The following SPEG variants were observed in gnomAD, a reference collection of about 807,000 sequenced individuals.
SPEG encodes striated muscle preferentially expressed protein kinase.
SPEG carries 114 observed loss-of-function variants against 300.4 expected under a neutral mutation model. The ratio of observed to expected loss-of-function variants is 0.38; its 90% confidence interval spans 0.33 to 0.44. The LOEUF (loss-of-function observed/expected upper bound fraction) is 0.44, where lower values mean the gene tolerates loss of function less well. Ranked by LOEUF, SPEG falls within the 20% of genes least tolerant of loss-of-function variation. The probability of loss-of-function intolerance (pLI) is 1.00; values close to 1 mark genes in which losing one functional copy is unlikely to be tolerated. For missense variants in SPEG, 4,201 were observed against 4,586.2 expected, an observed-to-expected ratio of 0.92 and a Z score of 2.43; for synonymous variants, 1,964 against 2,018.9, an observed-to-expected ratio of 0.97 and a Z score of 0.73.
In SPEG at chr2:219,448,082, G is replaced by C; in HGVS notation, c.924G>C (p.Leu308=). ...AGCCGCCTCCTTCCAAATCCGCGCT[G>C]CTCCCCCCACCGTCCCCTCGGGTCG... is the stretch of plus-strand genomic sequence containing the variant. ...PAQPPPSKSA[L]LPPPSPRVGK... Residue 308 remains leucine (L), a synonymous_variant, in exon 4 of 41, where the codon CTG becomes CTC. Transcript: ENST00000312358. The C allele has an allele frequency of 6.2e-7, 1 of 1,607,654 alleles. No individual in the cohort carries two copies. Among genetic ancestry groups the C allele is most frequent in the Non-Finnish European group, 8.5e-7 (1 of 1,177,690 alleles).
chr2:219,444,621 G>C lies in SPEG; in HGVS notation c.389-32G>C, dbSNP rs760083111. 28 of 1,585,484 alleles carry C rather than the reference G, an allele frequency of 1.8e-5. No homozygotes were observed. The highest frequency in any genetic ancestry group is 2.2e-5 in the South Asian group (2 of 90,468). ...GAAGAGTTGGAGGCAGAGGGAGGAG[G>C]GCCCTGCCCACACAGACCCCTTCTT... On this transcript the variant is annotated intron_variant, in intron 1 of 40. Coordinates refer to ENST00000312358, the MANE Select transcript of SPEG (RefSeq NM_005876.5). This position sits in a 1 kb window ranked among gnomAD's most constrained non-coding sequence, Gnocchi z 7.8.
Position 219,445,652 on chromosome 2 carries a change from G to A in SPEG, c.815+491G>A, listed in dbSNP as rs1208843865. 1 of 169,128 alleles carries A rather than the reference G, an allele frequency of 5.9e-6. No homozygotes were observed. Among genetic ancestry groups the A allele is most frequent in the Admixed American group, 5.5e-5 (1 of 18,292 alleles). The allele number at this position is 169,128 out of a possible 1,614,324, so 10.5% of individuals were successfully genotyped here. ...CCCGGGAGAGCAGGAGAGAGCAGGG[G>A]AACAAGCCAGCAAGCAGGAGAGAGA... On this transcript the variant is annotated intron_variant, in intron 3 of 40. Coordinates refer to ENST00000312358, the MANE Select transcript of SPEG (RefSeq NM_005876.5). The surrounding 1 kb of genome is among the most constrained non-coding windows in gnomAD (Gnocchi z 6.1).
At chr2:219,465,908 C>T (rs1406436870) in intron 9 of SPEG, 6 of 683,234 alleles carry the variant, frequency 8.8e-6, no homozygotes, top group South Asian at 5.3e-5. Context: ...TGGGTGTGTG[C>T]ATGCGTGTGT....
At chr2:219,485,212 G>C in intron 30 of SPEG, 134 bp from the exon 31 acceptor site, 1 of 1,483,866 alleles carries the variant, frequency 6.7e-7, no homozygotes. Flanking sequence ...AGGGCTGGAG[G>C]GGAGGAAAGC....
chr2:219,467,607 T>G (rs1575118516), intron 10 of SPEG, among the ~76,000 whole-genome samples, 173 bp downstream of exon 10: 1 of 152,174 alleles, frequency 6.6e-6, no homozygotes, highest in South Asian at 2.1e-4. Flanking sequence ...CTTAGAATAG[T>G]GCATAGCACA....
At position 219,477,216 on chromosome 2, in the gene SPEG, C is replaced by CGGGGCCTGGTATAGCGGCT; in HGVS notation, c.4561-61_4561-60insGGGGCCTGGTATAGCGGCT. The stretch of plus-strand genomic sequence containing the variant: ...GCGCTGCCCAGAGTAGGAGATGAGG[C>CGGGGCCTGGTATAGCGGCT]CCTGGCCCCAAGGTAGAGATGAGGC... On this transcript the variant is annotated intron_variant, in intron 19 of 40. Coordinates refer to ENST00000312358, the MANE Select transcript of SPEG (RefSeq NM_005876.5). This position sits in a 1 kb window ranked among gnomAD's most constrained non-coding sequence, Gnocchi z 6.4. 6.8e-7 allele frequency: 1 copy of CGGGGCCTGGTATAGCGGCT among 1,467,326 alleles called. No individual in the cohort carries two copies. Among genetic ancestry groups the CGGGGCCTGGTATAGCGGCT allele is most frequent in the East Asian group, 2.3e-5 (1 of 43,704 alleles). The allele number at this position is 1,467,326 out of a possible 1,614,324, so 90.9% of individuals were successfully genotyped here.
chr2:219,478,428 AG>A (rs1021122424), intron 22 of SPEG, among the ~76,000 whole-genome samples: 19 of 152,182 alleles, frequency 1.2e-4, no homozygotes, highest in African/African-American at 4.6e-4. Context: ...AGGCATGGAG[AG>A]GTTAAATAAC....
Position 219,484,193 on chromosome 2 carries a change from C to A in SPEG, c.6730C>A (p.Pro2244Thr). The A allele has an allele frequency of 6.2e-7, 1 of 1,612,680 alleles. No individual in the cohort carries two copies. The highest frequency in any genetic ancestry group is 2.2e-5 in the East Asian group (1 of 44,826). The change falls in exon 30 of 41, where the codon CCC (proline) becomes ACC (threonine). Residue 2244 changes from proline (P) to threonine (T), a missense_variant. Coordinates refer to ENST00000312358, the MANE Select transcript of SPEG (RefSeq NM_005876.5). The stretch of plus-strand genomic sequence containing the variant: ...GCAAACCCTAGCGCTGCCCCTCACA[C>A]CCTATGCTCAGATCATTCAGTCCCT... ...ALQTLALPLT[P>T]YAQIIQSLQL...
Position 219,448,549 on chromosome 2 carries a change from C to A in SPEG, c.1391C>A (p.Ala464Asp). ...GAACTGCGGGCGCCAGGCAGCGTGG[C>A]CGAGCGGCGCCGCCTGTTCCAGCAG... ...QEELRAPGSV[A>D]ERRRLFQQKA... is the part of the protein sequence containing the mutation. Residue 464 changes from alanine (A) to aspartate (D), a missense_variant, in exon 4 of 41, where the codon GCC becomes GAC. Physicochemically the swap from Ala to Asp is moderately radical, Grantham distance 126 (BLOSUM62 -2). Coordinates refer to ENST00000312358, the MANE Select transcript of SPEG (RefSeq NM_005876.5). The A allele has an allele frequency of 6.9e-7, 1 of 1,444,106 alleles. No homozygotes were observed. The highest frequency in any genetic ancestry group is 2.9e-5 in the East Asian group (1 of 34,188). 89.5% of individuals were successfully genotyped at this position (1,444,106 alleles called of 1,614,324 possible).
Position 219,448,283 on chromosome 2 carries a change from G to A in SPEG, c.1125G>A (p.Thr375=). The A allele has an allele frequency of 6.2e-7, 1 of 1,610,968 alleles. No individual in the cohort carries two copies. The change falls in exon 4 of 41, where the codon ACG becomes ACA. Residue 375 remains threonine (T), a synonymous_variant. Coordinates refer to ENST00000312358, the MANE Select transcript of SPEG (RefSeq NM_005876.5). ...GCACCGCGGAATCCCGACCCCAGAC[G>A]CCACTGAGCGAGGCCTCAGGCCGCC... ...LAGTAESRPQ[T]PLSEASGRLS...
rs936504547 is a variant in SPEG, at chr2:219,491,083, G to T, written c.9385+127G>T. 1.7e-5 allele frequency: 12 copies of T among 701,722 alleles called. No individual in the cohort carries two copies. The African/African-American group carries it at 2.1e-4, about 13-fold the overall frequency. 43.5% of individuals were successfully genotyped at this position (701,722 alleles called of 1,614,324 possible). The stretch of plus-strand genomic sequence containing the variant: ...TGATTACTGTATTCAAGCAATGAAC[G>T]AAGTATGTGGATTGATCTTTACAAT... On this transcript the variant is annotated intron_variant, in intron 38 of 40. Transcript: ENST00000312358.
intron 1 of SPEG, chr2:219,441,719 G>C (rs562566666): frequency 2.6e-6 from 1 of 387,940 alleles, no homozygotes; most frequent in Admixed American, 2.9e-5. Context: ...CAGGGTGGGG[G>C]TCCGTGGCTC....
intron 1 of SPEG, 108 bp downstream of exon 1, chr2:219,435,473 C>T: frequency 8.1e-7 from 1 of 1,230,226 alleles, no homozygotes; most frequent in Non-Finnish European, 1.1e-6. Context: ...CCGCCGCCTT[C>T]TTCCCAGGTG....
rs76811720 is a variant in SPEG at position 219,472,947 on chromosome 2, C to G, written c.3998C>G (p.Thr1333Arg). 6.2e-7 allele frequency: 1 copy of G among 1,613,582 alleles called. No homozygotes were observed. Among genetic ancestry groups the G allele is most frequent in the Non-Finnish European group, 8.5e-7 (1 of 1,179,870 alleles). The part of the protein sequence containing the change: ...QHQVLGSDQW[T>R]ALVTGLREPG... ...CAGGTGCTGGGCTCGGACCAGTGGACGGCACTGGTCACAGGCCTGCGGGAG... is the reference window on the plus strand; with the variant it reads ...CAGGTGCTGGGCTCGGACCAGTGGAGGGCACTGGTCACAGGCCTGCGGGAG... Residue 1333 changes from threonine (T) to arginine (R), a missense_variant, in exon 16 of 41, where the codon ACG (threonine) becomes AGG (arginine). Thr to Arg is a moderately conservative substitution (Grantham distance 71, BLOSUM62 -1). Coordinates refer to ENST00000312358, the MANE Select transcript of SPEG (RefSeq NM_005876.5).
At chr2:219,442,119 G>A (rs1212163899) in intron 1 of SPEG, 1 of 1,171,960 alleles carries the variant, frequency 8.5e-7, no homozygotes, top group Non-Finnish European at 1.1e-6. Flanking sequence ...CCGGGAGGGG[G>A]CAGGGAGGCC....
chr2:219,463,733 G>T (rs1456593650), intron 8 of SPEG, among the ~76,000 whole-genome samples: 2 of 151,152 alleles, frequency 1.3e-5, no homozygotes, highest in Non-Finnish European at 2.9e-5. Flanking sequence ...TTTTAACATT[G>T]TAAGTTTTTT....
At chr2:219,466,163 C>T in intron 9 of SPEG, 1 of 1,526,432 alleles carries the variant, frequency 6.6e-7, no homozygotes, top group Non-Finnish European at 8.8e-7. Flanking sequence ...CTCCTGCCCA[C>T]AGACCCAGGC....
chr2:219,480,797 CCTT>C lies in SPEG; in HGVS notation c.5369+104_5369+106del. The C allele has an allele frequency of 1.8e-6, 2 of 1,108,604 alleles. No individual in the cohort carries two copies. Among genetic ancestry groups the C allele is most frequent in the Non-Finnish European group, 1.4e-6 (1 of 725,116 alleles). The allele number at this position is 1,108,604 out of a possible 1,614,324, so 68.7% of individuals were successfully genotyped here. A position where few individuals can be genotyped will look rare whatever the true frequency, so the allele number is the denominator to read the frequency against. On this transcript the variant is annotated intron_variant, in intron 26 of 40. Transcript: ENST00000312358. The surrounding 1 kb of genome is among the most constrained non-coding windows in gnomAD (Gnocchi z 5.3). ...CCCCTTCTCTTCCGCACCCCCCACT[CCTT>C]CTTGCACTGCAAGGAGCCTCATGTG... is the stretch of plus-strand genomic sequence containing the variant.
In SPEG at chr2:219,449,166, C is replaced by T. The variant is rs1402968385; in HGVS notation, c.2008C>T (p.Leu670Phe). 1.4e-6 allele frequency: 2 copies of T among 1,407,354 alleles called. No homozygotes were observed. Among genetic ancestry groups the T allele is most frequent in the Non-Finnish European group, 1.9e-6 (2 of 1,080,596 alleles). 87.2% of individuals were successfully genotyped at this position (1,407,354 alleles called of 1,614,324 possible). The change falls in exon 4 of 41, where the codon CTT becomes TTT. Residue 670 changes from leucine to phenylalanine, a missense_variant. This residue lies in a region of SPEG where 1,258 missense variants were observed against 1,293.9 expected (regional missense o/e 0.97). Coordinates refer to ENST00000312358, the MANE Select transcript of SPEG (RefSeq NM_005876.5). ...GGCGGGGCCTGAGGCAGAGAAGAGG[C>T]TTCGCAGAGGGCCGGAGGAGGACGG... The part of the protein sequence containing the change: ...NRAGPEAEKR[L>F]RRGPEEDGPW...
Sources: allele counts gnomAD v4.1 joint callset (sites outside exome capture counted in the v4.1 genomes callset), GRCh38; gene constraint gnomAD v4.1.1; regional missense constraint gnomAD v4.1.1; non-coding constraint Gnocchi (gnomAD v3.1); transcripts MANE v1.5; gene names NCBI Gene and HGNC (gene_info 2026-07-23, HGNC 2026-07-21).